ANXA8: variants seen among roughly 807,000 people sequenced by gnomAD.
The protein encoded by ANXA8 is annexin A8.
Under a neutral mutation model 26.8 loss-of-function variants are expected in ANXA8, and 9 were observed. The observed-to-expected ratio is 0.34, with a 90% CI of 0.20 to 0.59. ANXA8 has a LOEUF of 0.59. Among genes scored for constraint, ANXA8 ranks in the 20% least tolerant of loss-of-function variants. ANXA8 has a pLI of 0.84. For synonymous variants in ANXA8, 39 were observed against 94.8 expected (o/e 0.41, Z 3.42); for missense variants, 83 against 238.5 (o/e 0.35, Z 4.29).
At chr10:47,968,812 A>G in the ANXA8 span, among the ~76,000 whole-genome samples, 2 of 148,782 alleles carry the variant, frequency 1.3e-5, no homozygotes, top group Non-Finnish European at 3.0e-5. Context: ...CACCATTAAA[A>G]GGGATTACCC....
At chr10:47,499,096 G>A in the ANXA8 span, among the ~76,000 whole-genome samples, 3,753 of 132,018 alleles carry the variant, frequency 0.028, 117 homozygotes, top group African/African-American at 0.12. Context: ...AGTGAGACTC[G>A]GTCTCAAAAA....
the ANXA8 span, chr10:47,986,322 T>G: frequency 5.6e-6 from 1 of 180,076 alleles, no homozygotes; most frequent in East Asian, 1.6e-4. Context: ...CCAAGCCTTT[T>G]GCTCATTTTA....
chr10:47,474,289 C>T lies in ANXA8; in HGVS notation c.646+16G>A, dbSNP rs1280568949. On this transcript the variant is annotated intron_variant, in intron 8 of 11. Transcript: ENST00000585281. ...ACCCCCTGTGGCCCCGGCCCCAGCC[C>T]CTCCCTCCCTGGTACCTCTCAGCAG... 158 of 1,575,746 alleles carry T rather than the reference C, an allele frequency of 1.0e-4. 13 individuals are homozygous for T. Among genetic ancestry groups the T allele is most frequent in the Non-Finnish European group, 1.3e-4 (148 of 1,165,162 alleles).
the ANXA8 span, among the ~76,000 whole-genome samples, chr10:47,649,418 T>C: frequency 2.0e-5 from 3 of 151,552 alleles, no homozygotes; most frequent in South Asian, 6.2e-4. Context: ...ATTAAATTTT[T>C]TTTTTTGGTG....
the ANXA8 span, among the ~76,000 whole-genome samples, chr10:47,946,590 C>G: frequency 1.3e-5 from 2 of 150,488 alleles, no homozygotes; most frequent in East Asian, 2.1e-4. Context: ...GGACCTGGCC[C>G]TGGGGAGATT....
the ANXA8 span, among the ~76,000 whole-genome samples, chr10:47,693,731 C>A: frequency 6.6e-6 from 1 of 151,722 alleles, no homozygotes; most frequent in Non-Finnish European, 1.5e-5. Context: ...TCCCTCTGTT[C>A]TGATTCAGTG....
the ANXA8 span, chr10:47,489,531 ACCTAGCTTCCCTTCCTCCCTC>A: frequency 5.0e-6 from 3 of 595,368 alleles, no homozygotes; most frequent in Non-Finnish European, 8.9e-6. Context: ...TTGGCCCAGC[ACCTAGCTTCCCTTCCTCCCTC>A]CCTCCTTCCC....
At chr10:47,959,070 G>A in the ANXA8 span, among the ~76,000 whole-genome samples, 1 of 148,964 alleles carries the variant, frequency 6.7e-6, no homozygotes, top group Non-Finnish European at 1.5e-5. Context: ...AGTGGCCAGT[G>A]GAAGCAGTTG....
the ANXA8 span, among the ~76,000 whole-genome samples, chr10:47,775,798 T>C: frequency 6.7e-6 from 1 of 149,104 alleles, no homozygotes; most frequent in African/African-American, 2.5e-5. Flanking sequence ...TTTTAGATCA[T>C]GTAACAGTTG....
chr10:47,680,404 G>A, the ANXA8 span, among the ~76,000 whole-genome samples: 3 of 151,890 alleles, frequency 2.0e-5, no homozygotes. Context: ...GGAGTCTGCG[G>A]TGGGTGGATC....
the ANXA8 span, among the ~76,000 whole-genome samples, chr10:47,547,458 C>T: frequency 8.5e-6 from 1 of 118,028 alleles, no homozygotes; most frequent in African/African-American, 3.1e-5. Flanking sequence ...ATATAAAGGT[C>T]TGCAGGGACC....
the ANXA8 span, among the ~76,000 whole-genome samples, chr10:47,770,716 GTCT>G: frequency 6.8e-6 from 1 of 147,566 alleles, no homozygotes; most frequent in African/African-American, 2.5e-5. Context: ...GCTGGCCTTG[GTCT>G]TCTCTGGACC....
chr10:47,748,416 T>A, the ANXA8 span, among the ~76,000 whole-genome samples: 1 of 151,628 alleles, frequency 6.6e-6, no homozygotes, highest in African/African-American at 2.4e-5. Context: ...TTTCACCATG[T>A]TGGCCAGGTT....
the ANXA8 span, among the ~76,000 whole-genome samples, chr10:47,944,356 C>G: frequency 0.027 from 3,943 of 148,670 alleles, 25 homozygotes; most frequent in Non-Finnish European, 0.041. Context: ...GCATCCTCCC[C>G]CCGCATCATG....
the ANXA8 span, among the ~76,000 whole-genome samples, chr10:47,764,140 C>G: frequency 6.6e-6 from 1 of 150,714 alleles, no homozygotes; most frequent in Non-Finnish European, 1.5e-5. Flanking sequence ...CTCAGCTGTG[C>G]GCTTAACTGG....
At chr10:47,652,882 T>C in the ANXA8 span, among the ~76,000 whole-genome samples, 595 of 150,428 alleles carry the variant, frequency 4.0e-3, 11 homozygotes, top group African/African-American at 0.014. Context: ...TTTCAATTTA[T>C]ATTTATATTA....
chr10:47,670,886 G>A, the ANXA8 span, among the ~76,000 whole-genome samples: 8 of 150,740 alleles, frequency 5.3e-5, no homozygotes, highest in East Asian at 1.2e-3. Context: ...CAGAATTGGT[G>A]TCATTTGTGT....
the ANXA8 span, among the ~76,000 whole-genome samples, chr10:47,942,329 C>T: frequency 3.4e-5 from 5 of 145,402 alleles, no homozygotes; most frequent in Admixed American, 6.8e-5. Context: ...GCAGGAGATG[C>T]AAGCTTCTAA....
At chr10:47,652,748 C>T in the ANXA8 span, among the ~76,000 whole-genome samples, 6 of 139,856 alleles carry the variant, frequency 4.3e-5, no homozygotes, top group African/African-American at 1.9e-4. Flanking sequence ...ATGCCACTGA[C>T]CCACAGAATG....
Sources: gnomAD v4.1 joint callset for allele counts (sites outside exome capture counted in the v4.1 genomes callset) on GRCh38, gnomAD v4.1.1 for gene constraint, MANE v1.5 for transcripts, NCBI Gene and HGNC (gene_info 2026-07-23, HGNC 2026-07-21) for gene names.